KCNQ3: variants seen among roughly 807,000 people sequenced by gnomAD.
KCNQ3 encodes the protein potassium voltage-gated channel subfamily KQT member 3.
Under a neutral mutation model 92.5 loss-of-function variants are expected in KCNQ3, and 30 were observed. The ratio of observed to expected loss-of-function variants is 0.32; its 90% CI spans 0.24 to 0.44. The LOEUF is 0.44. Ranked by LOEUF, KCNQ3 falls within the 20% of genes least tolerant of loss-of-function variation. The pLI, the probability that KCNQ3 is intolerant of heterozygous loss-of-function variation, is 1.00. For missense variants in KCNQ3, 913 were observed against 1,140.3 expected (o/e 0.80, Z 2.87); for synonymous variants, 450 against 468.8 (o/e 0.96, Z 0.52).
chr8:132,228,600 T>A, intron 1 of KCNQ3, among the ~76,000 whole-genome samples: 2 of 152,250 alleles, frequency 1.3e-5, no homozygotes, highest in East Asian at 3.9e-4. Context: ...TTTTAATTTT[T>A]ATTGCTATCT....
At chr8:132,240,881 T>C (rs1158529315) in intron 1 of KCNQ3, among the ~76,000 whole-genome samples, 2 of 127,956 alleles carry the variant, frequency 1.6e-5, no homozygotes, top group African/African-American at 5.3e-5. Flanking sequence ...CCCAATGAGC[T>C]AGCTACAATT....
Position 132,290,669 on chromosome 8 carries a change from G to A in KCNQ3, c.387-104488C>T, listed in dbSNP as rs1050123653. Among the ~76,000 whole-genome samples, 10 of 152,140 alleles carry A rather than the reference G, an allele frequency of 6.6e-5. No individual in the cohort carries two copies. In the South Asian group the frequency reaches 1.0e-3, roughly 16 times the overall value. On this transcript the variant is annotated intron_variant, in intron 1 of 14. Transcript: ENST00000388996. ...ATGTGGAGGGTGAGAAATAGGTTTCGTGGATGTTTTAAATTTCTGGTAGGA... is the reference window on the plus strand; with the variant it reads ...ATGTGGAGGGTGAGAAATAGGTTTCATGGATGTTTTAAATTTCTGGTAGGA...
intron 1 of KCNQ3, among the ~76,000 whole-genome samples, chr8:132,452,512 G>T (rs752355825): frequency 6.6e-6 from 1 of 152,118 alleles, no homozygotes; most frequent in African/African-American, 2.4e-5. Context: ...GACACTACCC[G>T]CTTTCCAAGA....
At chr8:132,389,194 C>T (rs1007557252) in intron 1 of KCNQ3, among the ~76,000 whole-genome samples, 1 of 152,204 alleles carries the variant, frequency 6.6e-6, no homozygotes, top group Non-Finnish European at 1.5e-5. Flanking sequence ...CAGTGGTTCA[C>T]ACCTGTAATC....
intron 1 of KCNQ3, among the ~76,000 whole-genome samples, chr8:132,248,277 C>G (rs918446835): frequency 1.3e-5 from 2 of 151,510 alleles, no homozygotes; most frequent in African/African-American, 2.4e-5. Context: ...GAAAAGAATC[C>G]AGAATCCACA....
At chr8:132,165,778 T>C (rs923190824) in intron 8 of KCNQ3, among the ~76,000 whole-genome samples, 1 of 152,232 alleles carries the variant, frequency 6.6e-6, no homozygotes, top group Non-Finnish European at 1.5e-5. Context: ...CCATCACTTA[T>C]CAGCTGAGCG....
intron 1 of KCNQ3, among the ~76,000 whole-genome samples, chr8:132,268,397 T>C (rs1329794640): frequency 6.6e-6 from 1 of 152,086 alleles, no homozygotes. Flanking sequence ...CCCGAGTAAC[T>C]GGGAGCATGT....
chr8:132,413,678 T>G (rs1820715498), intron 1 of KCNQ3, among the ~76,000 whole-genome samples: 1 of 152,220 alleles, frequency 6.6e-6, no homozygotes, highest in Non-Finnish European at 1.5e-5. Context: ...TCAGACGTTG[T>G]CAAGGACACC....
At chr8:132,279,250 C>T (rs13264960) in intron 1 of KCNQ3, among the ~76,000 whole-genome samples, 67,025 of 151,986 alleles carry the variant, frequency 0.44, 16,644 homozygotes, top group East Asian at 0.69. Context: ...TCCTAACCGC[C>T]AGTGATTCTG....
chr8:132,172,719 C>A, intron 6 of KCNQ3, 26 bp from the exon 7 acceptor site: 1 of 1,549,300 alleles, frequency 6.5e-7, no homozygotes, highest in African/African-American at 1.4e-5. Flanking sequence ...GGCAGGCAGT[C>A]AGCCCCCAGC....
intron 1 of KCNQ3, among the ~76,000 whole-genome samples, chr8:132,264,404 C>T (rs1230771503): frequency 6.6e-6 from 1 of 152,200 alleles, no homozygotes; most frequent in Non-Finnish European, 1.5e-5. Context: ...TCCCCAAACC[C>T]TCCTGGCCAT....
intron 1 of KCNQ3, among the ~76,000 whole-genome samples, chr8:132,401,336 A>G (rs1406821435): frequency 6.6e-6 from 1 of 151,920 alleles, no homozygotes; most frequent in African/African-American, 2.4e-5. Flanking sequence ...TTTTATCCCC[A>G]TGAATACGGA....
At chr8:132,132,757 T>C (rs1824926935) in intron 13 of KCNQ3, among the ~76,000 whole-genome samples, 1 of 152,258 alleles carries the variant, frequency 6.6e-6, no homozygotes, top group Admixed American at 6.5e-5. Flanking sequence ...TTGAACATGA[T>C]GCAAAAGATG....
chr8:132,329,697 C>T lies in KCNQ3; in HGVS notation c.387-143516G>A, dbSNP rs943939687. Among the ~76,000 whole-genome samples, 3 of 152,174 alleles carry T rather than the reference C, an allele frequency of 2.0e-5. 1 individual carries two copies. Among genetic ancestry groups the T allele is most frequent in the South Asian group, 4.1e-4 (2 of 4,828 alleles). On this transcript the variant is annotated intron_variant, in intron 1 of 14. Coordinates refer to ENST00000388996, the MANE Select transcript of KCNQ3 (RefSeq NM_004519.4). ...ATTGTATTACCAAGAGGCTGGCACT[C>T]GGTCCCTCCCAGATCTGCTCTTGTT...
At chr8:132,304,259 T>A (rs1045892612) in intron 1 of KCNQ3, among the ~76,000 whole-genome samples, 6 of 152,134 alleles carry the variant, frequency 3.9e-5, no homozygotes, top group Non-Finnish European at 4.4e-5. Flanking sequence ...ATGTAATACA[T>A]CCATGTAATG....
intron 1 of KCNQ3, among the ~76,000 whole-genome samples, chr8:132,223,019 C>G (rs2130344550): frequency 6.6e-6 from 1 of 152,298 alleles, no homozygotes; most frequent in Non-Finnish European, 1.5e-5. Context: ...TACTGGTTGT[C>G]CCAGCAAAGG....
At chr8:132,238,440 A>C (rs1814885361) in intron 1 of KCNQ3, among the ~76,000 whole-genome samples, 2 of 152,156 alleles carry the variant, frequency 1.3e-5, no homozygotes, top group Non-Finnish European at 2.9e-5. Flanking sequence ...CTTAGTCTGT[A>C]AGAGAGCAGG....
chr8:132,400,809 T>C (rs895935372), intron 1 of KCNQ3, among the ~76,000 whole-genome samples: 5 of 152,242 alleles, frequency 3.3e-5, no homozygotes, highest in African/African-American at 4.8e-5. Context: ...CTGGGCACAA[T>C]GGCATTAATC....
chr8:132,361,841 G>C (rs1407080315), intron 1 of KCNQ3, among the ~76,000 whole-genome samples: 2 of 152,148 alleles, frequency 1.3e-5, no homozygotes, highest in African/African-American at 4.8e-5. Flanking sequence ...GTAAAACAAA[G>C]TCAAAGATAC....
Sources: allele counts gnomAD v4.1 joint callset (sites outside exome capture counted in the v4.1 genomes callset), GRCh38; gene constraint gnomAD v4.1.1; transcripts MANE v1.5; gene names NCBI Gene and HGNC (gene_info 2026-07-23, HGNC 2026-07-21).